KNTC1: variants seen among roughly 807,000 people sequenced by gnomAD.
The protein encoded by KNTC1 is kinetochore-associated protein 1.
KNTC1 carries 253 observed loss-of-function variants against 314.4 expected under a neutral mutation model. The ratio of observed to expected loss-of-function variants is 0.80; its 90% CI spans 0.73 to 0.89. The LOEUF is 0.89. Among genes scored for constraint, KNTC1 ranks in the 40% least tolerant of loss-of-function variants. The pLI is 0.00. For synonymous variants in KNTC1, 901 were observed against 901.4 expected (o/e 1.00, Z 0.01); for missense variants, 2,475 against 2,572.9 (o/e 0.96, Z 0.82).
intron 20 of KNTC1, among the ~76,000 whole-genome samples, chr12:122,566,971 A>G (rs1361913168): frequency 1.3e-5 from 2 of 151,822 alleles, no homozygotes; most frequent in Non-Finnish European, 2.9e-5. Flanking sequence ...CCTGGGCTCA[A>G]GTGATCCTCC....
intron 43 of KNTC1, 78 bp from the exon 44 acceptor site, chr12:122,597,652 AC>A (rs1256647902): frequency 8.7e-7 from 1 of 1,148,986 alleles, no homozygotes; most frequent in African/African-American, 1.5e-5. Flanking sequence ...GGAAGCATGT[AC>A]CCAAGTGTTT....
chr12:122,609,867 T>C (rs931239591), intron 52 of KNTC1, among the ~76,000 whole-genome samples: 7 of 152,206 alleles, frequency 4.6e-5, no homozygotes, highest in Non-Finnish European at 8.8e-5. Flanking sequence ...TGATTGGTTA[T>C]GGCTTGTATT....
In KNTC1 at chr12:122,609,421, C is replaced by A. The variant is rs778467386; in HGVS notation, c.5534C>A (p.Ala1845Asp). Residue 1845 changes from alanine to aspartate, a missense_variant, in exon 52 of 64, where the codon GCC (alanine) becomes GAC (aspartate). Ala to Asp is a moderately radical substitution (Grantham distance 126). Coordinates refer to ENST00000333479, the MANE Select transcript of KNTC1 (RefSeq NM_014708.6). ...SELFELQEDE[A>D]LRRVQYLLLS... The stretch of plus-strand genomic sequence containing the variant: ...TTATTTGAACTTCAAGAAGATGAAG[C>A]CCTACGAAGGTACTCTTTTCCTTTA... The A allele has an allele frequency of 3.2e-6, 5 of 1,579,212 alleles. No homozygotes were observed. Among genetic ancestry groups the A allele is most frequent in the East Asian group, 4.5e-5 (2 of 44,480 alleles).
chr12:122,598,020 A>T, intron 44 of KNTC1, 82 bp downstream of exon 44: 1 of 997,392 alleles, frequency 1.0e-6, no homozygotes, highest in African/African-American at 1.6e-5. Flanking sequence ...AACAAATTGG[A>T]TGTATAAGTC....
intron 7 of KNTC1, 108 bp downstream of exon 7, chr12:122,543,742 TTATGA>T (rs1181796133): frequency 5.4e-5 from 36 of 663,442 alleles, no homozygotes; most frequent in African/African-American, 1.7e-4. Flanking sequence ...TTAGAAATTA[TTATGA>T]TATAACATTT....
At position 122,592,402 on chromosome 12, in the gene KNTC1, A is replaced by G. The variant is rs533882560; in HGVS notation, c.4245+949A>G. 2.6e-5 allele frequency among the ~76,000 whole-genome samples: 4 copies of G among 152,268 alleles called. No individual in the cohort carries two copies. In the South Asian group the frequency reaches 8.3e-4, roughly 32 times the overall value. On this transcript the variant is annotated intron_variant, in intron 42 of 63. Transcript: ENST00000333479. Reference sequence around the variant, plus strand: ...CCCATGGACCGCCCAAGGGCTGAGGAGTGTGAGCGCACGGCACGGGACTGG... The same window carrying G: ...CCCATGGACCGCCCAAGGGCTGAGGGGTGTGAGCGCACGGCACGGGACTGG...
intron 34 of KNTC1, 63 bp downstream of exon 34, chr12:122,583,048 A>C: frequency 3.0e-4 from 434 of 1,450,402 alleles, no homozygotes; most frequent in Non-Finnish European, 3.7e-4. Flanking sequence ...ACGGTAACTC[A>C]TACCTGTAAT....
intron 16 of KNTC1, among the ~76,000 whole-genome samples, chr12:122,555,445 G>A (rs953873944): frequency 5.3e-5 from 8 of 152,136 alleles, no homozygotes; most frequent in Non-Finnish European, 1.0e-4. Context: ...CCAGTTACTC[G>A]GGAGGCTGAG....
At chr12:122,562,439 TTGTGTGTGTGTGTGTGTGTGTGTG>T (rs4039211) in intron 19 of KNTC1, among the ~76,000 whole-genome samples, 175 bp from the exon 20 acceptor site, 33 of 145,084 alleles carry the variant, frequency 2.3e-4, no homozygotes, top group African/African-American at 4.4e-4. Context: ...ATCCCATGTT[TTGTGTGTGTGTGTGTGTGTGTGTG>T]TGTGTGTGTG....
At chr12:122,592,259 C>T (rs1354215637) in intron 42 of KNTC1, among the ~76,000 whole-genome samples, 8 of 152,260 alleles carry the variant, frequency 5.3e-5, no homozygotes, top group African/African-American at 9.6e-5. Context: ...GCTGCCTTCC[C>T]ACGGGGCAGG....
At position 122,565,518 on chromosome 12, in the gene KNTC1, T is replaced by A. The variant is rs115841621; in HGVS notation, c.1605-2743T>A. Among the ~76,000 whole-genome samples, 875 of 151,080 alleles carry A rather than the reference T, an allele frequency of 5.8e-3. 5 individuals carry two copies. The highest frequency in any genetic ancestry group is 0.018 in the African/African-American group (766 of 41,410). The stretch of plus-strand genomic sequence containing the variant: ...TTTAATTGATTTTGTTATTATTATT[T>A]TTTTTTTTTACAAAAAATTCAGAAG... On this transcript the variant is annotated intron_variant, in intron 20 of 63. Coordinates refer to ENST00000333479, the MANE Select transcript of KNTC1 (RefSeq NM_014708.6).
chr12:122,539,785 C>CT (rs35303600), intron 5 of KNTC1, 31 bp downstream of exon 5: 229,260 of 1,057,358 alleles, frequency 0.22, 5,024 homozygotes, highest in East Asian at 0.33. Context: ...TTTTGAATGA[C>CT]TTTTTTTTTT....
chr12:122,571,991 G>T (rs1004817133), intron 24 of KNTC1, among the ~76,000 whole-genome samples: 1 of 151,936 alleles, frequency 6.6e-6, no homozygotes, highest in African/African-American at 2.4e-5. Context: ...CTGTTTTAAT[G>T]AACAGTTTTT....
chr12:122,588,725 C>T lies in KNTC1; in HGVS notation c.3908C>T (p.Thr1303Ile), dbSNP rs567587924. Residue 1303 changes from threonine to isoleucine, a missense_variant, in exon 40 of 64, where the codon ACT becomes ATT. Coordinates refer to ENST00000333479, the MANE Select transcript of KNTC1 (RefSeq NM_014708.6). ...CTTTTCTAAAAGTTATTTGGAGAGA[C>T]TACATTAGTTAAATCAAGGCATGTT... ...ATLSEKLFGE[T>I]TLVKSRHVVM... 3.3e-6 allele frequency: 5 copies of T among 1,533,456 alleles called. No homozygotes were observed. The African/African-American group carries it at 4.2e-5, about 13-fold the overall frequency. 95.0% of individuals were successfully genotyped at this position (1,533,456 alleles called of 1,614,324 possible).
At position 122,551,647 on chromosome 12, in the gene KNTC1, G is replaced by C; in HGVS notation, c.1223G>C (p.Arg408Thr). 6.2e-7 allele frequency: 1 copy of C among 1,613,798 alleles called. No individual in the cohort carries two copies. The highest frequency in any genetic ancestry group is 8.5e-7 in the Non-Finnish European group (1 of 1,179,802). ...NRLSRLLHKH[R>T]FAEAESFAIQ... ...TTGAGTCGGTTACTTCACAAACACA[G>C]ATTTGCTGAAGCTGAGAGTTTTGCC... Residue 408 changes from arginine to threonine, a missense_variant, in exon 16 of 64, where the codon AGA becomes ACA. By Grantham distance (71) the Arg-to-Thr change is moderately conservative. Transcript: ENST00000333479.
intron 16 of KNTC1, 76 bp downstream of exon 16, chr12:122,551,772 A>AAT: frequency 9.7e-7 from 1 of 1,034,820 alleles, no homozygotes; most frequent in South Asian, 1.3e-5. Flanking sequence ...ACAGACATGT[A>AAT]ATATATAATT....
chr12:122,613,272 G>A (rs775874821), intron 54 of KNTC1, 42 bp downstream of exon 54: 5 of 1,329,256 alleles, frequency 3.8e-6, no homozygotes, highest in Non-Finnish European at 5.4e-6. Flanking sequence ...ATAGGAAACA[G>A]ATCATTTTTT....
intron 18 of KNTC1, among the ~76,000 whole-genome samples, chr12:122,561,076 C>A (rs1963936196): frequency 1.3e-5 from 2 of 152,046 alleles, no homozygotes; most frequent in African/African-American, 4.8e-5. Flanking sequence ...CTTTGGGAGG[C>A]CCAGGAGAGC....
In KNTC1 at chr12:122,573,059, A is replaced by T; in HGVS notation, c.2139+3A>T. On this transcript the variant is annotated splice_donor_region_variant and intron_variant, in intron 25 of 63. Coordinates refer to ENST00000333479, the MANE Select transcript of KNTC1 (RefSeq NM_014708.6). Reference sequence around the variant, plus strand: ...TAGCCCTCTCTGATTTTGAGAAGGTAAAGTCCAGGGTCATAAGAATTATTT... The same window carrying T: ...TAGCCCTCTCTGATTTTGAGAAGGTTAAGTCCAGGGTCATAAGAATTATTT... 1 of 1,612,826 alleles carries T rather than the reference A, an allele frequency of 6.2e-7. No homozygotes were observed. Among genetic ancestry groups the T allele is most frequent in the Non-Finnish European group, 8.5e-7 (1 of 1,179,254 alleles).
Sources: gnomAD v4.1 joint callset for allele counts (sites outside exome capture counted in the v4.1 genomes callset) on GRCh38, gnomAD v4.1.1 for gene constraint, MANE v1.5 for transcripts, NCBI Gene and HGNC (gene_info 2026-07-23, HGNC 2026-07-21) for gene names.